NRXN1: variants seen among roughly 807,000 people sequenced by gnomAD.
NRXN1 encodes neurexin 1.
Under a neutral mutation model 150.9 loss-of-function variants are expected in NRXN1, and 39 were observed. That is an observed-to-expected ratio of 0.26 (90% CI 0.20 to 0.34). The LOEUF is 0.34. Ranked by LOEUF, NRXN1 falls within the 10% of genes least tolerant of loss-of-function variation. The pLI is 1.00. For synonymous variants in NRXN1, 924 were observed against 757.0 expected (o/e 1.22, Z -3.62); for missense variants, 1,815 against 1,949.9 (o/e 0.93, Z 1.30).
At chr2:50,503,239 C>T (rs999122087) in intron 13 of NRXN1, among the ~76,000 whole-genome samples, 1 of 150,736 alleles carries the variant, frequency 6.6e-6, no homozygotes, top group African/African-American at 2.4e-5. Flanking sequence ...ATGTAGGAGG[C>T]GGAGGCTGCA....
intron 17 of NRXN1, among the ~76,000 whole-genome samples, chr2:50,335,577 C>G (rs747484921): frequency 1.3e-5 from 2 of 151,956 alleles, no homozygotes; most frequent in Non-Finnish European, 1.5e-5. Flanking sequence ...AAGGAATGTT[C>G]TAAGAGAGCG....
At position 50,337,310 on chromosome 2, in the gene NRXN1, C is replaced by T. The variant is rs2077256959; in HGVS notation, c.3365-100340G>A. On this transcript the variant is annotated intron_variant, in intron 17 of 22. Transcript: ENST00000401669. Reference sequence around the variant, plus strand: ...ATGTTGGTCAGGCTGGTCTCGAACTCCCGACCTCAAATGATCTGCTCGCCT... The same window carrying T: ...ATGTTGGTCAGGCTGGTCTCGAACTTCCGACCTCAAATGATCTGCTCGCCT... Among the ~76,000 whole-genome samples the T allele has an allele frequency of 2.0e-5, 3 of 152,138 alleles. No individual in the cohort carries two copies. The South Asian group carries it at 6.2e-4, about 32-fold the overall frequency.
chr2:50,158,067 G>A (rs1167542231), intron 18 of NRXN1, among the ~76,000 whole-genome samples: 6 of 37,318 alleles, frequency 1.6e-4, no homozygotes, highest in Non-Finnish European at 2.4e-4. Context: ...GAAGTTGAGT[G>A]TGTGTGTGTG....
chr2:50,895,301 C>T (rs923712635), intron 5 of NRXN1, among the ~76,000 whole-genome samples: 21 of 152,138 alleles, frequency 1.4e-4, no homozygotes, highest in African/African-American at 3.9e-4. Context: ...GCAGACATGA[C>T]ATCTTTGAAT....
In NRXN1 at chr2:49,920,391, T is replaced by C. The variant is rs569130169; in HGVS notation, c.*1553A>G. On this transcript the variant is annotated 3_prime_UTR_variant, in exon 23 of 23. Transcript: ENST00000401669. Reference sequence around the variant, plus strand: ...ATTTTATTAGAAAGAAAGTTTTCAATTGCAGCAGCCAGAGTTAAGGTGTAG... The same window carrying C: ...ATTTTATTAGAAAGAAAGTTTTCAACTGCAGCAGCCAGAGTTAAGGTGTAG... The C allele has an allele frequency of 6.5e-6, 1 of 152,734 alleles. No homozygotes were observed. The highest frequency in any genetic ancestry group is 1.5e-5 in the Non-Finnish European group (1 of 68,040). The allele number at this position is 152,734 out of a possible 1,614,324, so 9.5% of individuals were successfully genotyped here. A position where few individuals can be genotyped will look rare whatever the true frequency, so the allele number is the denominator to read the frequency against.
intron 12 of NRXN1, among the ~76,000 whole-genome samples, chr2:50,524,746 T>C (rs966381454): frequency 3.3e-5 from 5 of 152,042 alleles, no homozygotes; most frequent in African/African-American, 1.2e-4. Flanking sequence ...TTTCAAAATT[T>C]CAATGTATTT....
At chr2:49,925,911 T>TAAGTC (rs1363047383) in intron 22 of NRXN1, among the ~76,000 whole-genome samples, 1 of 152,176 alleles carries the variant, frequency 6.6e-6, no homozygotes, top group Non-Finnish European at 1.5e-5. Flanking sequence ...CTTAAGTCTT[T>TAAGTC]AAGTCTTGAA....
chr2:50,721,084 T>C (rs916151219), intron 5 of NRXN1, among the ~76,000 whole-genome samples: 3 of 152,156 alleles, frequency 2.0e-5, no homozygotes, highest in Non-Finnish European at 4.4e-5. Flanking sequence ...TCTGTATAAA[T>C]AGATAGAAAC....
chr2:50,920,315 T>G (rs1386660835), intron 5 of NRXN1, among the ~76,000 whole-genome samples: 1 of 151,662 alleles, frequency 6.6e-6, no homozygotes, highest in Admixed American at 6.6e-5. Context: ...AAAAACTAAA[T>G]AAAGTTAAGT....
chr2:50,356,075 AG>A (rs1271715045), intron 17 of NRXN1, among the ~76,000 whole-genome samples: 2 of 152,088 alleles, frequency 1.3e-5, no homozygotes, highest in Non-Finnish European at 2.9e-5. Flanking sequence ...AAAAAAAAAA[AG>A]AAAGTACTGC....
chr2:50,157,630 G>T (rs1387784384), intron 18 of NRXN1, among the ~76,000 whole-genome samples: 1 of 151,992 alleles, frequency 6.6e-6, no homozygotes, highest in African/African-American at 2.4e-5. Context: ...TGGCCATAGG[G>T]AAGGTGAAGC....
intron 2 of NRXN1, among the ~76,000 whole-genome samples, chr2:50,929,085 G>C (rs565017943): frequency 5.9e-5 from 9 of 152,062 alleles, no homozygotes; most frequent in Non-Finnish European, 1.3e-4. Flanking sequence ...AAGAAGGCAA[G>C]CAACAGCCTG....
At chr2:50,338,841 C>A (rs2077362358) in intron 17 of NRXN1, among the ~76,000 whole-genome samples, 1 of 152,186 alleles carries the variant, frequency 6.6e-6, no homozygotes, top group Admixed American at 6.5e-5. Context: ...GCATCACAGT[C>A]AACTCCTAGT....
At chr2:50,054,190 T>A (rs1442798703) in intron 20 of NRXN1, among the ~76,000 whole-genome samples, 3 of 151,934 alleles carry the variant, frequency 2.0e-5, no homozygotes, top group East Asian at 1.9e-4. Flanking sequence ...GACAAAAAAA[T>A]TCCAAAAATA....
intron 10 of NRXN1, among the ~76,000 whole-genome samples, chr2:50,537,695 C>T (rs1455035410): frequency 2.6e-5 from 4 of 152,116 alleles, no homozygotes; most frequent in African/African-American, 9.7e-5. Flanking sequence ...TATTAGGGTA[C>T]ACTTCCAGAA....
intron 19 of NRXN1, among the ~76,000 whole-genome samples, chr2:50,079,533 T>G (rs1394203289): frequency 6.6e-6 from 1 of 152,096 alleles, no homozygotes; most frequent in African/African-American, 2.4e-5. Flanking sequence ...GAACTTTGAA[T>G]AGTGCCCAAA....
At chr2:50,976,905 T>A (rs1558521885) in intron 2 of NRXN1, among the ~76,000 whole-genome samples, 1 of 152,052 alleles carries the variant, frequency 6.6e-6, no homozygotes, top group Non-Finnish European at 1.5e-5. Context: ...TTCCGTTACC[T>A]CCTTCAGAAA....
chr2:50,913,275 G>T (rs1287126511), intron 5 of NRXN1, among the ~76,000 whole-genome samples: 1 of 151,718 alleles, frequency 6.6e-6, no homozygotes, highest in Non-Finnish European at 1.5e-5. Context: ...TTGTGAACTA[G>T]GGTTTCCCTG....
At chr2:50,384,505 CAAAAAAAAAAAAAAAAA>C (rs56052881) in intron 17 of NRXN1, among the ~76,000 whole-genome samples, 24 of 55,962 alleles carry the variant, frequency 4.3e-4, no homozygotes, top group Middle Eastern at 0.013. Context: ...GACTCCATCT[CAAAAAAAAAAAAAAAAA>C]AAAAAAAAAA....
Sources: allele counts gnomAD v4.1 joint callset (sites outside exome capture counted in the v4.1 genomes callset), GRCh38; gene constraint gnomAD v4.1.1; transcripts MANE v1.5; gene names NCBI Gene and HGNC (gene_info 2026-07-23, HGNC 2026-07-21).